Variants in PLIN3 observed in about 807,000 individuals in gnomAD.
The protein encoded by PLIN3 is perilipin-3.
PLIN3 carries 30 observed loss-of-function variants against 35.9 expected under a neutral mutation model. The ratio of observed to expected loss-of-function variants is 0.84; its 90% CI spans 0.62 to 1.13. The LOEUF is 1.13. Among genes scored for constraint, PLIN3 ranks in the 50% most tolerant of loss-of-function variants. The pLI, the probability that PLIN3 is intolerant of heterozygous loss-of-function variation, is 0.00. For synonymous variants in PLIN3, 261 were observed against 262.5 expected (o/e 0.99, Z 0.06); for missense variants, 603 against 596.9 (o/e 1.01, Z -0.11).
chr19:4,852,249 T>A lies in PLIN3; in HGVS notation c.401A>T (p.Glu134Val). ...LVSSKVSGAQEMVSSAKDTVA... is the reference protein window; with the variant it reads ...LVSSKVSGAQVMVSSAKDTVA... ...CGTGTCCTTGGCGCTAGACACCATC[T>A]CTTGGGCCCCCGACACCTTAGACGA... The change falls in exon 5 of 8, where the codon GAG becomes GTG. Residue 134 changes from glutamate (E) to valine (V), a missense_variant. Coordinates refer to ENST00000221957, the MANE Select transcript of PLIN3 (RefSeq NM_005817.5). The A allele has an allele frequency of 6.2e-7, 1 of 1,608,070 alleles. No individual in the cohort carries two copies.
At position 4,839,547 on chromosome 19, in the gene PLIN3, A is replaced by T; in HGVS notation, c.961-11T>A. 1.3e-6 allele frequency: 2 copies of T among 1,504,948 alleles called. No individual in the cohort carries two copies. The highest frequency in any genetic ancestry group is 1.8e-6 in the Non-Finnish European group (2 of 1,124,470). The allele number at this position is 1,504,948 out of a possible 1,614,324, so 93.2% of individuals were successfully genotyped here. On this transcript the variant is annotated splice_polypyrimidine_tract_variant and intron_variant, in intron 7 of 7. Transcript: ENST00000221957. ...CCGGGACTCGACCTGCTGAGAAGGG[A>T]GATGGGGACACCAATCAGGACCATT...
At chr19:4,841,777 A>T (rs541553648) in intron 7 of PLIN3, among the ~76,000 whole-genome samples, 2 of 151,130 alleles carry the variant, frequency 1.3e-5, no homozygotes, top group Admixed American at 1.3e-4. Context: ...TGGTGGCGGG[A>T]GCCTGTAGTC....
chr19:4,848,951 C>T lies in PLIN3; in HGVS notation c.635-1061G>A, dbSNP rs115783008. Among the ~76,000 whole-genome samples, 1,386 of 152,122 alleles carry T rather than the reference C, an allele frequency of 9.1e-3. 21 individuals carry two copies. The highest frequency in any genetic ancestry group is 0.031 in the African/African-American group (1,279 of 41,530). ...CATAAGATTATAATACCATATATAC[C>T]GTATTTTTCCTGTACTTTTTCTTCT... On this transcript the variant is annotated intron_variant, in intron 5 of 7. Coordinates refer to ENST00000221957, the MANE Select transcript of PLIN3 (RefSeq NM_005817.5).
intron 6 of PLIN3, among the ~76,000 whole-genome samples, chr19:4,845,568 C>G (rs2030059992): frequency 6.6e-6 from 1 of 152,006 alleles, no homozygotes; most frequent in South Asian, 2.1e-4. Context: ...TCAGTAGCTC[C>G]AGAACAGCAT....
At chr19:4,861,760 C>T (rs1028806302) in intron 1 of PLIN3, among the ~76,000 whole-genome samples, 2 of 151,866 alleles carry the variant, frequency 1.3e-5, no homozygotes, top group Admixed American at 6.6e-5. Flanking sequence ...CTTAGCCTCC[C>T]GAGTAGCTGG....
At chr19:4,858,603 C>T (rs1175461022) in intron 4 of PLIN3, among the ~76,000 whole-genome samples, 2 of 151,112 alleles carry the variant, frequency 1.3e-5, no homozygotes, top group Non-Finnish European at 2.9e-5. Flanking sequence ...AGGATGGTCT[C>T]GATCTCCTGA....
intron 7 of PLIN3, among the ~76,000 whole-genome samples, chr19:4,843,547 T>C (rs536745708): frequency 6.5e-5 from 6 of 92,554 alleles, no homozygotes; most frequent in African/African-American, 2.6e-4. Flanking sequence ...ATAATTGATC[T>C]GGGGTCGGGT....
At chr19:4,849,615 T>G (rs1178383673) in intron 5 of PLIN3, among the ~76,000 whole-genome samples, 1 of 151,972 alleles carries the variant, frequency 6.6e-6, no homozygotes, top group Non-Finnish European at 1.5e-5. Context: ...GTTCGTAGGT[T>G]CATATGTGTA....
intron 7 of PLIN3, among the ~76,000 whole-genome samples, chr19:4,843,091 G>A (rs1179964862): frequency 1.3e-5 from 2 of 152,004 alleles, no homozygotes; most frequent in African/African-American, 2.4e-5. Context: ...GCGTGGTGAC[G>A]CATGCCTGTA....
At chr19:4,851,188 C>T (rs1190291908) in intron 5 of PLIN3, among the ~76,000 whole-genome samples, 5 of 151,828 alleles carry the variant, frequency 3.3e-5, no homozygotes, top group Admixed American at 6.6e-5. Flanking sequence ...AAAAAAGGGC[C>T]GGGCATGGTG....
chr19:4,843,288 C>CTT (rs2029967446), intron 7 of PLIN3, among the ~76,000 whole-genome samples: 1 of 151,856 alleles, frequency 6.6e-6, no homozygotes, highest in Non-Finnish European at 1.5e-5. Context: ...GGGCGGATCA[C>CTT]AAGGTCAGCA....
chr19:4,859,551 C>T (rs1374133725), intron 4 of PLIN3, 39 bp downstream of exon 4: 1 of 1,565,702 alleles, frequency 6.4e-7, no homozygotes. Context: ...CCAGGTAGGT[C>T]CCTGTCTCGA....
Position 4,859,925 on chromosome 19 carries a change from T to C in PLIN3, c.166A>G (p.Ile56Val), listed in dbSNP as rs8289. 0.72 allele frequency: 1,161,307 copies of C among 1,613,648 alleles called. 421,118 individuals carry two copies. Among genetic ancestry groups the C allele is most frequent in the Non-Finnish European group, 0.75 (880,342 of 1,179,880 alleles). The change falls in exon 3 of 8, where the codon ATC becomes GTC. Residue 56 changes from isoleucine to valine, a missense_variant. Ile to Val is a conservative substitution (Grantham distance 29). Transcript: ENST00000221957. The part of the protein sequence containing the change: ...YASTKESYPH[I>V]KTVCDAAEKG... ...TCTGCTGCGTCGCAGACAGTCTTGA[T>C]GTGCGGGTAGCTCTCCTTGGTGGAG...
chr19:4,867,233 G>A (rs1384873704), intron 1 of PLIN3: 1 of 152,218 alleles, frequency 6.6e-6, no homozygotes, highest in Non-Finnish European at 1.5e-5. Flanking sequence ...GGAGGGCGGA[G>A]ATTCTGCCCG....
chr19:4,867,322 C>T (rs1189069367), intron 1 of PLIN3, among the ~76,000 whole-genome samples: 1 of 152,010 alleles, frequency 6.6e-6, no homozygotes, highest in Non-Finnish European at 1.5e-5. Flanking sequence ...GGGCGGGGGG[C>T]GGTATTTAGC....
At chr19:4,855,248 TGAAAAA>T in intron 4 of PLIN3, among the ~76,000 whole-genome samples, 1 of 8,622 alleles carries the variant, frequency 1.2e-4, no homozygotes, top group South Asian at 4.5e-3. Flanking sequence ...AGACTCCATC[TGAAAAA>T]AAAAAAAAAA....
intron 1 of PLIN3, among the ~76,000 whole-genome samples, chr19:4,863,694 C>A (rs138588890): frequency 7.3e-5 from 11 of 149,942 alleles, no homozygotes; most frequent in African/African-American, 2.7e-4. Context: ...TGGTGCACGC[C>A]TCCATGTTTA....
chr19:4,847,866 C>A lies in PLIN3; in HGVS notation c.659G>T (p.Gly220Val), dbSNP rs1334284855. Residue 220 changes from glycine to valine, a missense_variant, in exon 6 of 8, where the codon GGC becomes GTC. Physicochemically the swap from Gly to Val is moderately radical, Grantham distance 109 (BLOSUM62 -3). Transcript: ENST00000221957. ...CTGCTGCACGGACGCGACGTCAAAG[C>A]CATCCAGGGATGTGGCGATGCGGGC... ...ELARIATSLD[G>V]FDVASVQQQR... 6 of 1,613,778 alleles carry A rather than the reference C, an allele frequency of 3.7e-6. No homozygotes were observed. In the Admixed American group the frequency reaches 1.0e-4, roughly 27 times the overall value.
chr19:4,852,129 T>G lies in PLIN3; in HGVS notation c.521A>C (p.Gln174Pro). 6 of 1,614,072 alleles carry G rather than the reference T, an allele frequency of 3.7e-6. No homozygotes were observed. The highest frequency in any genetic ancestry group is 5.1e-6 in the Non-Finnish European group (6 of 1,179,982). ...GCCCAAGCGGGAGCCCATGACCGATTGGACGCCGCCGGTCACTACGGACTT... is the reference window on the plus strand; with the variant it reads ...GCCCAAGCGGGAGCCCATGACCGATGGGACGCCGCCGGTCACTACGGACTT... ...KTKSVVTGGVQSVMGSRLGQM... is the reference protein window; with the variant it reads ...KTKSVVTGGVPSVMGSRLGQM... The change falls in exon 5 of 8, where the codon CAA (glutamine) becomes CCA (proline). Residue 174 changes from glutamine (Q) to proline (P), a missense_variant. By Grantham distance (76) the Gln-to-Pro change is moderately conservative. Coordinates refer to ENST00000221957, the MANE Select transcript of PLIN3 (RefSeq NM_005817.5).
Sources: allele counts gnomAD v4.1 joint callset (sites outside exome capture counted in the v4.1 genomes callset), GRCh38; gene constraint gnomAD v4.1.1; transcripts MANE v1.5; gene names NCBI Gene and HGNC (gene_info 2026-07-23, HGNC 2026-07-21).